DGKH: variants seen among roughly 807,000 people sequenced by gnomAD.
DGKH encodes the protein DAG kinase eta.
DGKH carries 90 observed loss-of-function variants against 159.3 expected under a neutral mutation model. The ratio of observed to expected loss-of-function variants is 0.57; its 90% CI spans 0.48 to 0.67. The LOEUF (loss-of-function observed/expected upper bound fraction) is 0.67, where lower values mean the gene tolerates loss of function less well. Ranked by LOEUF, DGKH falls within the 30% of genes least tolerant of loss-of-function variation. DGKH has a pLI of 0.00. For synonymous variants in DGKH, 536 were observed against 553.8 expected (o/e 0.97, Z 0.45); for missense variants, 1,181 against 1,506.1 (o/e 0.78, Z 3.57).
chr13:42,054,508 T>C (rs944041751), intron 1 of DGKH, among the ~76,000 whole-genome samples: 2 of 152,222 alleles, frequency 1.3e-5, no homozygotes, highest in Non-Finnish European at 2.9e-5. Flanking sequence ...AAGGGCCAGA[T>C]AGTAAATAGT....
intron 1 of DGKH, among the ~76,000 whole-genome samples, chr13:42,060,386 G>C (rs969613963): frequency 6.6e-6 from 1 of 152,162 alleles, no homozygotes; most frequent in African/African-American, 2.4e-5. Context: ...TTTCTAGCCT[G>C]TACTTCTGAG....
At chr13:42,246,668 A>G (rs191850233), downstream of DGKH, among the ~76,000 whole-genome samples, 49 of 152,156 alleles carry the variant, frequency 3.2e-4, no homozygotes, top group Non-Finnish European at 5.7e-4. Flanking sequence ...TATCGAATAA[A>G]AGGCAGCACA....
At position 42,150,328 on chromosome 13, in the gene DGKH, G is replaced by A. The variant is rs181509955; in HGVS notation, c.385-4963G>A. 8.5e-5 allele frequency among the ~76,000 whole-genome samples: 13 copies of A among 152,286 alleles called. No individual in the cohort carries two copies. In the East Asian group the frequency reaches 2.5e-3, roughly 29 times the overall value. ...TAGACAGGGTTCCATGGACTACGTG[G>A]AGGAGCCTGAGAAATAGGCACTATT... On this transcript the variant is annotated intron_variant, in intron 3 of 29. Coordinates refer to ENST00000337343, the MANE Select transcript of DGKH (RefSeq NM_178009.5).
chr13:42,155,467 C>A, intron 4 of DGKH, 72 bp downstream of exon 4: 2 of 1,501,712 alleles, frequency 1.3e-6, no homozygotes, highest in South Asian at 1.2e-5. Context: ...AGAGCTCTAC[C>A]GTGCAAACAT....
At chr13:42,246,594 AACG>A (rs1404865709), downstream of DGKH, among the ~76,000 whole-genome samples, 1 of 152,200 alleles carries the variant, frequency 6.6e-6, no homozygotes, top group Non-Finnish European at 1.5e-5. Flanking sequence ...TACTTCTGGC[AACG>A]ACATTTTGGA....
rs1958516703 is a variant in DGKH, at chr13:42,241,686, C to T, written c.*12498C>T. The stretch of plus-strand genomic sequence containing the variant: ...AATGCTTTCTGGTATACTTCAGAGG[C>T]TCCATTTGAAGATGTGCGTTGATGT... On this transcript the variant is annotated 3_prime_UTR_variant, in exon 30 of 30. Coordinates refer to ENST00000337343, the MANE Select transcript of DGKH (RefSeq NM_178009.5). 6.6e-6 allele frequency: 1 copy of T among 152,204 alleles called. No homozygotes were observed. The highest frequency in any genetic ancestry group is 2.1e-4 in the South Asian group (1 of 4,832). The allele number at this position is 152,204 out of a possible 1,614,324, so 9.4% of individuals were successfully genotyped here.
chr13:42,093,954 C>T (rs999823100), intron 1 of DGKH, among the ~76,000 whole-genome samples: 1 of 151,964 alleles, frequency 6.6e-6, no homozygotes, highest in Non-Finnish European at 1.5e-5. Flanking sequence ...ATGTACTTAA[C>T]AGCACTGAAC....
upstream of DGKH, among the ~76,000 whole-genome samples, chr13:42,047,723 C>T (rs529720514): frequency 6.6e-6 from 1 of 152,326 alleles, no homozygotes; most frequent in South Asian, 2.1e-4. Flanking sequence ...TCCTCCTGCT[C>T]TAGTCCGGGC....
intron 21 of DGKH, among the ~76,000 whole-genome samples, chr13:42,207,113 C>T (rs1257775222): frequency 2.6e-4 from 20 of 77,280 alleles, no homozygotes; most frequent in African/African-American, 1.1e-3. Context: ...TTCTTTCTTT[C>T]TCTTTCTCTC....
chr13:42,123,551 A>AG, intron 1 of DGKH, among the ~76,000 whole-genome samples: 1 of 152,042 alleles, frequency 6.6e-6, no homozygotes, highest in South Asian at 2.1e-4. Context: ...AATGGAAAAA[A>AG]AAAGTCACAG....
chr13:42,143,835 C>G (rs1955644933), intron 3 of DGKH, among the ~76,000 whole-genome samples: 1 of 151,556 alleles, frequency 6.6e-6, no homozygotes, highest in South Asian at 2.1e-4. Context: ...TTTTGTTGAT[C>G]TTTTAAAAAA....
At chr13:42,216,263 A>G (rs562855645) in intron 26 of DGKH, among the ~76,000 whole-genome samples, 24 of 152,348 alleles carry the variant, frequency 1.6e-4, no homozygotes, top group African/African-American at 5.8e-4. Context: ...CTTTCTTTAT[A>G]AATACCTCAC....
intron 1 of DGKH, chr13:42,068,788 A>C (rs1317176126): frequency 2.5e-6 from 1 of 402,754 alleles, no homozygotes; most frequent in African/African-American, 2.1e-5. Flanking sequence ...AGAAAAAGAA[A>C]GTCTGGATTT....
chr13:42,143,648 A>C (rs912812441), intron 3 of DGKH, among the ~76,000 whole-genome samples: 20 of 152,120 alleles, frequency 1.3e-4, no homozygotes, highest in African/African-American at 4.8e-4. Flanking sequence ...GTGTCGAGGA[A>C]TTTATCCATT....
intron 1 of DGKH, among the ~76,000 whole-genome samples, chr13:42,116,390 T>C (rs144814751): frequency 1.5e-3 from 223 of 152,332 alleles, no homozygotes; most frequent in African/African-American, 5.2e-3. Flanking sequence ...ATCTCTCCCA[T>C]GACGCCAAAT....
chr13:42,247,709 A>G (rs1277786269), downstream of DGKH, among the ~76,000 whole-genome samples: 2 of 152,250 alleles, frequency 1.3e-5, no homozygotes, highest in African/African-American at 4.8e-5. Context: ...GGTGGAAGAC[A>G]GTGATACTGA....
chr13:42,206,466 A>G (rs1021397335), intron 21 of DGKH, among the ~76,000 whole-genome samples: 6 of 152,140 alleles, frequency 3.9e-5, no homozygotes, highest in African/African-American at 1.4e-4. Context: ...TTACTTTTTA[A>G]TTTTATACCT....
At chr13:42,082,211 T>G (rs539893667) in intron 1 of DGKH, among the ~76,000 whole-genome samples, 9 of 152,034 alleles carry the variant, frequency 5.9e-5, no homozygotes, top group African/African-American at 1.9e-4. Context: ...TTCTGGGCAT[T>G]TGACACCCCA....
At position 42,219,098 on chromosome 13, in the gene DGKH, T is replaced by A. The variant is rs1957893687; in HGVS notation, c.3214-132T>A. On this transcript the variant is annotated intron_variant, in intron 26 of 29. Coordinates refer to ENST00000337343, the MANE Select transcript of DGKH (RefSeq NM_178009.5). ...ATAAAAGAATTTATTCTTCTCTTAA[T>A]ATTCCTTAATTTAAAAAATACTACC... 3 of 1,137,678 alleles carry A rather than the reference T, an allele frequency of 2.6e-6. No individual in the cohort carries two copies. In the East Asian group the frequency reaches 7.5e-5, roughly 28 times the overall value. The allele number at this position is 1,137,678 out of a possible 1,614,324, so 70.5% of individuals were successfully genotyped here. A position where few individuals can be genotyped will look rare whatever the true frequency, so the allele number is the denominator to read the frequency against.
Sources: gnomAD v4.1 joint callset for allele counts (sites outside exome capture counted in the v4.1 genomes callset) on GRCh38, gnomAD v4.1.1 for gene constraint, MANE v1.5 for transcripts, NCBI Gene and HGNC (gene_info 2026-07-23, HGNC 2026-07-21) for gene names.